COL14A1: variants seen among roughly 807,000 people sequenced by gnomAD.
The protein encoded by COL14A1 is collagen type XIV alpha 1 chain, also known as collagen alpha-1(XIV) chain.
A neutral mutation model predicts 230.3 loss-of-function variants in COL14A1; 136 were observed. The observed-to-expected ratio is 0.59, with a 90% CI of 0.51 to 0.68. COL14A1 has a LOEUF of 0.68. Ranked by LOEUF, COL14A1 falls within the 30% of genes least tolerant of loss-of-function variation. COL14A1 has a pLI of 0.00. For synonymous variants in COL14A1, 792 were observed against 784.1 expected, an observed-to-expected ratio of 1.01 and a Z score of -0.17; for missense variants, 1,976 against 2,215.8, an observed-to-expected ratio of 0.89 and a Z score of 2.17.
At chr8:120,252,821 G>A (rs1208064095) in intron 22 of COL14A1, among the ~76,000 whole-genome samples, 1 of 152,142 alleles carries the variant, frequency 6.6e-6, no homozygotes, top group Non-Finnish European at 1.5e-5. Flanking sequence ...TCAAGCAAGA[G>A]TGGGCCATAT....
rs1164652137 is a variant in COL14A1 at position 120,344,526 on chromosome 8, CCTA to C, written c.4889-845_4889-843del. Among the ~76,000 whole-genome samples, 10 of 152,332 alleles carry C rather than the reference CCTA, an allele frequency of 6.6e-5. No individual in the cohort carries two copies. The East Asian group carries it at 1.9e-3, about 29-fold the overall frequency. Reference sequence around the variant, plus strand: ...ACCTGCCCAGGCAACAATGGACGTGCCTACTAATAACATTGAGTCATCAGGAGC... The same window carrying C: ...ACCTGCCCAGGCAACAATGGACGTGCCTAATAACATTGAGTCATCAGGAGC... On this transcript the variant is annotated intron_variant, in intron 44 of 47. Transcript: ENST00000297848.
At chr8:120,280,146 A>G (rs1473917417) in intron 29 of COL14A1, 47 bp downstream of exon 29, 2 of 1,600,892 alleles carry the variant, frequency 1.2e-6, no homozygotes, top group East Asian at 2.2e-5. Context: ...TAACAGCTGA[A>G]ATATTTGACA....
rs34177030 is a variant in COL14A1, at chr8:120,200,715, TTATATATATATATATATATATATATA to T, written c.877+1175_877+1200del. On this transcript the variant is annotated intron_variant, in intron 8 of 47. Coordinates refer to ENST00000297848, the MANE Select transcript of COL14A1 (RefSeq NM_021110.4). ...GAAAGATCCTAAAAAGTTTTCCTAT[TTATATATATATATATATATATATATA>T]TATATATATATATATATATATATAT... Among the ~76,000 whole-genome samples, 248 of 85,748 alleles carry T rather than the reference TTATATATATATATATATATATATATA, an allele frequency of 2.9e-3. 4 individuals carry two copies. The highest frequency in any genetic ancestry group is 4.2e-3 in the Non-Finnish European group (172 of 41,224). 56.3% of individuals were successfully genotyped at this position (85,748 alleles called of 152,430 possible). A position where few individuals can be genotyped will look rare whatever the true frequency, so the allele number is the denominator to read the frequency against.
intron 42 of COL14A1, among the ~76,000 whole-genome samples, chr8:120,333,963 C>A (rs144078742): frequency 6.6e-6 from 1 of 152,336 alleles, no homozygotes; most frequent in Admixed American, 6.5e-5. Context: ...AGATAATTCC[C>A]AGATCCTTAA....
chr8:120,180,928 A>T (rs1403463564), intron 5 of COL14A1, among the ~76,000 whole-genome samples: 1 of 152,024 alleles, frequency 6.6e-6, no homozygotes, highest in Non-Finnish European at 1.5e-5. Flanking sequence ...GCTGATCTCG[A>T]ACTCATGACA....
intron 11 of COL14A1, 23 bp from the exon 12 acceptor site, chr8:120,209,733 A>G (rs759590872): frequency 2.5e-6 from 4 of 1,596,382 alleles, no homozygotes; most frequent in East Asian, 2.2e-5. Context: ...GTGGCTCAAC[A>G]TTTAAAAAAA....
chr8:120,140,081 A>G (rs1047065061), intron 1 of COL14A1, among the ~76,000 whole-genome samples: 1 of 152,170 alleles, frequency 6.6e-6, no homozygotes, highest in East Asian at 1.9e-4. Flanking sequence ...AAAATAAAAG[A>G]TAGATATTAT....
intron 19 of COL14A1, 76 bp from the exon 20 acceptor site, chr8:120,243,803 C>G (rs749548418): frequency 2.4e-4 from 356 of 1,493,432 alleles, no homozygotes; most frequent in Non-Finnish European, 3.0e-4. Flanking sequence ...TTTCAAAATG[C>G]ATAAAGTTAT....
chr8:120,283,812 A>C, intron 32 of COL14A1, 34 bp downstream of exon 32: 2 of 1,574,026 alleles, frequency 1.3e-6, no homozygotes. Context: ...ATTCACATAT[A>C]CATGTATGAG....
chr8:120,199,326 TG>T lies in COL14A1; in HGVS notation c.713-75del. ...CTATGGCTCAATAGGTTACCCATCT[TG>T]TGGTTATATCTTGAAGAATTAGGAG... On this transcript the variant is annotated intron_variant, in intron 7 of 47. Coordinates refer to ENST00000297848, the MANE Select transcript of COL14A1 (RefSeq NM_021110.4). The T allele has an allele frequency of 3.0e-6, 4 of 1,331,344 alleles. No homozygotes were observed. In the South Asian group the frequency reaches 6.8e-5, roughly 23 times the overall value. The allele number at this position is 1,331,344 out of a possible 1,614,324, so 82.5% of individuals were successfully genotyped here. A position where few individuals can be genotyped will look rare whatever the true frequency, so the allele number is the denominator to read the frequency against.
At chr8:120,237,662 G>C (rs1027991562) in intron 19 of COL14A1, among the ~76,000 whole-genome samples, 1 of 152,180 alleles carries the variant, frequency 6.6e-6, no homozygotes, top group African/African-American at 2.4e-5. Flanking sequence ...TGCTGGCGAG[G>C]AGTTGCGATC....
chr8:120,281,028 C>T lies in COL14A1; in HGVS notation c.3793C>T (p.His1265Tyr). The stretch of plus-strand genomic sequence containing the variant: ...CAATGTGTTTCCATGTTACCAACTC[C>T]ATAAAGATGCCCTGGTTTCCCAGCC... ...TFNVFPCYQL[H>Y]KDALVSQPTR... Residue 1265 changes from histidine to tyrosine, a missense_variant, in exon 31 of 48, where the codon CAT (histidine) becomes TAT (tyrosine). His to Tyr is a moderately conservative substitution (Grantham distance 83). Around this residue, in one of 3 missense-constraint regions of COL14A1, gnomAD observed 1,791 missense variants for 2,019.5 expected, o/e 0.89. Transcript: ENST00000297848. The T allele has an allele frequency of 1.2e-6, 2 of 1,611,268 alleles. No individual in the cohort carries two copies. The highest frequency in any genetic ancestry group is 1.7e-6 in the Non-Finnish European group (2 of 1,178,814).
At chr8:120,303,016 C>G (rs931337199) in intron 36 of COL14A1, among the ~76,000 whole-genome samples, 2 of 152,070 alleles carry the variant, frequency 1.3e-5, no homozygotes, top group African/African-American at 2.4e-5. Flanking sequence ...GATGGGATTG[C>G]ATTCTTGGTT....
chr8:120,322,871 A>G (rs1821506711), intron 40 of COL14A1, among the ~76,000 whole-genome samples: 2 of 152,210 alleles, frequency 1.3e-5, no homozygotes, highest in South Asian at 2.1e-4. Flanking sequence ...CCACACATGC[A>G]TGTGTCTTTA....
intron 9 of COL14A1, among the ~76,000 whole-genome samples, chr8:120,206,025 G>A (rs759744652): frequency 5.7e-4 from 86 of 152,062 alleles, no homozygotes; most frequent in Non-Finnish European, 1.0e-3. Context: ...AGCTCATAGT[G>A]GGCATTTAGT....
chr8:120,197,935 G>A lies in COL14A1; in HGVS notation c.712+5G>A. The A allele has an allele frequency of 6.2e-7, 1 of 1,612,910 alleles. No homozygotes were observed. The highest frequency in any genetic ancestry group is 8.5e-7 in the Non-Finnish European group (1 of 1,179,304). ...AAGGAGGAAATACACTAACAGGTAT[G>A]TTTTGTTCAATCCATGTTATAACAA... On this transcript the variant is annotated splice_donor_5th_base_variant and intron_variant, in intron 7 of 47. Transcript: ENST00000297848.
At chr8:120,183,657 A>G (rs961010897) in intron 5 of COL14A1, among the ~76,000 whole-genome samples, 1 of 152,156 alleles carries the variant, frequency 6.6e-6, no homozygotes, top group Non-Finnish European at 1.5e-5. Flanking sequence ...ATTGTTAGTT[A>G]TTCTTAAGCT....
intron 20 of COL14A1, among the ~76,000 whole-genome samples, chr8:120,247,089 G>C (rs549092134): frequency 1.3e-5 from 2 of 152,284 alleles, no homozygotes; most frequent in African/African-American, 4.8e-5. Context: ...CTACATTTCA[G>C]ATAAAAGTAT....
chr8:120,298,410 T>C (rs1352163462), intron 35 of COL14A1, among the ~76,000 whole-genome samples: 2 of 151,400 alleles, frequency 1.3e-5, no homozygotes, highest in South Asian at 2.1e-4. Flanking sequence ...CTATATGTGA[T>C]GCTACTAGAA....
Sources: allele counts gnomAD v4.1 joint callset (sites outside exome capture counted in the v4.1 genomes callset), GRCh38; gene constraint gnomAD v4.1.1; regional missense constraint gnomAD v4.1.1; transcripts MANE v1.5; gene names NCBI Gene and HGNC (gene_info 2026-07-23, HGNC 2026-07-21).